Variants in ACTR3C observed in about 807,000 individuals in gnomAD.
ACTR3C encodes actin related protein 3C, also known as actin-related protein 3C.
A neutral mutation model predicts 26.3 loss-of-function variants in ACTR3C; 18 were observed. The ratio of observed to expected loss-of-function variants is 0.68; its 90% CI spans 0.47 to 1.01. The LOEUF (loss-of-function observed/expected upper bound fraction) is 1.01, where lower values mean the gene tolerates loss of function less well. ACTR3C is among the 50% of genes least tolerant of loss of function. ACTR3C has a pLI of 0.00. For synonymous variants in ACTR3C, 55 were observed against 94.5 expected, an observed-to-expected ratio of 0.58 and a Z score of 2.42; for missense variants, 184 against 250.7, an observed-to-expected ratio of 0.73 and a Z score of 1.80.
the ACTR3C span, among the ~76,000 whole-genome samples, chr7:150,203,249 C>A: frequency 3.9e-5 from 6 of 152,188 alleles, no homozygotes; most frequent in African/African-American, 1.4e-4. Flanking sequence ...AGCATTGCAA[C>A]AGGGGGAGGA....
At chr7:150,073,427 C>A in the ACTR3C span, among the ~76,000 whole-genome samples, 2 of 150,614 alleles carry the variant, frequency 1.3e-5, no homozygotes, top group African/African-American at 4.9e-5. Context: ...CTCAAAAATT[C>A]TTTTCTATTT....
At chr7:150,039,798 T>A in the ACTR3C span, among the ~76,000 whole-genome samples, 288 of 101,744 alleles carry the variant, frequency 2.8e-3, 1 homozygote, top group African/African-American at 6.2e-3. Flanking sequence ...AGGGACTGGC[T>A]CTCAGTCCCT....
chr7:150,104,957 T>C, the ACTR3C span, among the ~76,000 whole-genome samples: 1 of 152,072 alleles, frequency 6.6e-6, no homozygotes, highest in Non-Finnish European at 1.5e-5. Flanking sequence ...ACTTAATTAC[T>C]GTATGCCAAT....
the ACTR3C span, among the ~76,000 whole-genome samples, chr7:150,222,404 A>T: frequency 2.0e-5 from 3 of 152,242 alleles, no homozygotes; most frequent in African/African-American, 7.2e-5. Flanking sequence ...GCTCAGAAAT[A>T]CTAATGTGCA....
chr7:150,210,410 TA>T, the ACTR3C span, among the ~76,000 whole-genome samples: 1 of 150,766 alleles, frequency 6.6e-6, no homozygotes, highest in East Asian at 1.9e-4. Context: ...TATGTCCATA[TA>T]AAAACTTGTA....
chr7:150,198,760 G>T, the ACTR3C span, among the ~76,000 whole-genome samples: 2 of 146,560 alleles, frequency 1.4e-5, no homozygotes, highest in Admixed American at 6.7e-5. Context: ...GGTGGGGGGG[G>T]GTCAGCCCCC....
the ACTR3C span, among the ~76,000 whole-genome samples, chr7:150,148,336 G>T: frequency 6.6e-6 from 1 of 152,088 alleles, no homozygotes; most frequent in Non-Finnish European, 1.5e-5. Flanking sequence ...AATTAGCCAG[G>T]CGTGGTGGCA....
intron 3 of ACTR3C, among the ~76,000 whole-genome samples, chr7:150,292,179 AC>A (rs201739045): frequency 4.0e-5 from 6 of 150,618 alleles, no homozygotes; most frequent in South Asian, 2.1e-4. Flanking sequence ...ACACAAACAC[AC>A]CCCCCCATAT....
the ACTR3C span, among the ~76,000 whole-genome samples, chr7:150,155,853 T>G: frequency 6.9e-3 from 1,029 of 148,480 alleles, 15 homozygotes; most frequent in African/African-American, 0.025. Context: ...CAATTCTCAT[T>G]GGGCTGCCTT....
chr7:150,187,263 C>T, the ACTR3C span, among the ~76,000 whole-genome samples: 2 of 150,876 alleles, frequency 1.3e-5, no homozygotes, highest in Admixed American at 6.6e-5. Context: ...CTCCTCCAAG[C>T]ACCTGTGTTT....
At chr7:150,068,926 CA>C in the ACTR3C span, among the ~76,000 whole-genome samples, 1 of 152,078 alleles carries the variant, frequency 6.6e-6, no homozygotes, top group Non-Finnish European at 1.5e-5. Flanking sequence ...CTAGATTCTC[CA>C]AAGGCTGTTG....
chr7:150,094,066 T>C, the ACTR3C span, among the ~76,000 whole-genome samples: 2 of 150,534 alleles, frequency 1.3e-5, no homozygotes, highest in Non-Finnish European at 2.9e-5. Flanking sequence ...CAGCTGTCCG[T>C]GCAGAGCTCA....
At chr7:150,188,685 T>C in the ACTR3C span, among the ~76,000 whole-genome samples, 585 of 150,764 alleles carry the variant, frequency 3.9e-3, no homozygotes, top group African/African-American at 0.014. Flanking sequence ...GTGGTGAAAC[T>C]ATTCTTTCTC....
chr7:150,284,926 T>G (rs1835651704), intron 5 of ACTR3C, 81 bp from the exon 6 acceptor site: 1 of 1,248,794 alleles, frequency 8.0e-7, no homozygotes, highest in Non-Finnish European at 1.1e-6. Flanking sequence ...AAAGTAACTT[T>G]AACAAATATA....
At chr7:150,313,637 C>T (rs1326981328) in intron 1 of ACTR3C, among the ~76,000 whole-genome samples, 1 of 152,150 alleles carries the variant, frequency 6.6e-6, no homozygotes, top group East Asian at 1.9e-4. Context: ...ATGGTCTGAA[C>T]CAGTTTTTTT....
the ACTR3C span, among the ~76,000 whole-genome samples, chr7:150,150,917 GA>G: frequency 7.3e-6 from 1 of 137,404 alleles, no homozygotes. Context: ...TATTTTGCCT[GA>G]TTTTTGTAAT....
At chr7:149,943,162 G>C in the ACTR3C span, among the ~76,000 whole-genome samples, 2 of 146,250 alleles carry the variant, frequency 1.4e-5, no homozygotes, top group Non-Finnish European at 3.0e-5. Context: ...GTTCATCTAT[G>C]TGTTGACTAT....
the ACTR3C span, chr7:150,002,671 G>A: frequency 7.2e-5 from 11 of 152,180 alleles, no homozygotes; most frequent in Non-Finnish European, 1.6e-4. Flanking sequence ...CGGGGATACC[G>A]TCTGTCTAGC....
chr7:150,205,684 T>C, the ACTR3C span, among the ~76,000 whole-genome samples: 2 of 152,236 alleles, frequency 1.3e-5, no homozygotes, highest in Non-Finnish European at 2.9e-5. Context: ...CTTTTGTCTC[T>C]TGCCACAAAG....
Sources: allele counts gnomAD v4.1 joint callset (sites outside exome capture counted in the v4.1 genomes callset), GRCh38; gene constraint gnomAD v4.1.1; transcripts MANE v1.5; gene names NCBI Gene and HGNC (gene_info 2026-07-23, HGNC 2026-07-21).